XYLT2: variants seen among roughly 807,000 people sequenced by gnomAD.
XYLT2 encodes the protein UDP-D-xylose:proteoglycan core protein beta-D-xylosyltransferase.
XYLT2 carries 37 observed loss-of-function variants against 82.6 expected under a neutral mutation model. The ratio of observed to expected loss-of-function variants is 0.45; its 90% CI spans 0.34 to 0.59. The LOEUF (loss-of-function observed/expected upper bound fraction) is 0.59, where lower values mean the gene tolerates loss of function less well. Among genes scored for constraint, XYLT2 ranks in the 20% least tolerant of loss-of-function variants. XYLT2 has a pLI of 0.01. For missense variants in XYLT2, 934 were observed against 1,181.3 expected, an observed-to-expected ratio of 0.79 and a Z score of 3.07; for synonymous variants, 474 against 499.0, an observed-to-expected ratio of 0.95 and a Z score of 0.67.
chr17:50,358,721 G>A (rs1036276591), intron 10 of XYLT2, among the ~76,000 whole-genome samples, 181 bp downstream of exon 10: 9 of 152,216 alleles, frequency 5.9e-5, no homozygotes, highest in African/African-American at 2.2e-4. Context: ...GCAGTGTGGT[G>A]GAAAAGGGAG....
chr17:50,356,866 G>T (rs1005612245), intron 8 of XYLT2, 93 bp downstream of exon 8: 2 of 1,516,876 alleles, frequency 1.3e-6, no homozygotes, highest in African/African-American at 1.4e-5. Flanking sequence ...CCACAACAAG[G>T]CCCCAGTCTG....
intron 1 of XYLT2, among the ~76,000 whole-genome samples, chr17:50,351,034 T>C (rs2143199120): frequency 6.6e-6 from 1 of 152,204 alleles, no homozygotes; most frequent in Admixed American, 6.5e-5. Context: ...GAAGGGGGCA[T>C]CCAGACAGCT....
Position 50,360,562 on chromosome 17 carries a change from C to CTTTTTTTTTTTTTTTTTTT in XYLT2, c.*279_*280insTTTTTTTTTTTTTTTTTTT. On this transcript the variant is annotated 3_prime_UTR_variant, in exon 11 of 11. Transcript: ENST00000017003. ...TCACCTTCCTGTCTAGTTTGAATTTCTTTTTTTTCTTTTTTTTTTTTTTTT... is the reference window on the plus strand; with the variant it reads ...TCACCTTCCTGTCTAGTTTGAATTTCTTTTTTTTTTTTTTTTTTTTTTTTTTTCTTTTTTTTTTTTTTTT... 9.9e-7 allele frequency: 1 copy of CTTTTTTTTTTTTTTTTTTT among 1,014,208 alleles called. No individual in the cohort carries two copies. Among genetic ancestry groups the CTTTTTTTTTTTTTTTTTTT allele is most frequent in the Non-Finnish European group, 1.2e-6 (1 of 849,962 alleles). The allele number at this position is 1,014,208 out of a possible 1,614,324, so 62.8% of individuals were successfully genotyped here.
chr17:50,355,221 T>C (rs879449843), intron 4 of XYLT2, among the ~76,000 whole-genome samples, 165 bp downstream of exon 4: 2 of 151,112 alleles, frequency 1.3e-5, no homozygotes, highest in Non-Finnish European at 3.0e-5. Flanking sequence ...AGGGGAGGGG[T>C]TGGTGTAAGA....
chr17:50,359,105 G>C (rs1408546854), intron 10 of XYLT2: 2 of 153,416 alleles, frequency 1.3e-5, no homozygotes, highest in Admixed American at 6.5e-5. Flanking sequence ...ACACTGACCA[G>C]AGACTTTTAG....
chr17:50,346,949 G>C lies in XYLT2; in HGVS notation c.135+674G>C. On this transcript the variant is annotated intron_variant, in intron 1 of 10. Transcript: ENST00000017003. This position sits in a 1 kb window ranked among gnomAD's most constrained non-coding sequence, Gnocchi z 5.1. Reference sequence around the variant, plus strand: ...GAACTGAGCTGGTGAGTTGGCCTCAGGACCTTAGGGAATTAGGGAGGGGCC... The same window carrying C: ...GAACTGAGCTGGTGAGTTGGCCTCACGACCTTAGGGAATTAGGGAGGGGCC... 1 of 984,940 alleles carries C rather than the reference G, an allele frequency of 1.0e-6. No homozygotes were observed. Among genetic ancestry groups the C allele is most frequent in the South Asian group, 4.7e-5 (1 of 21,282 alleles). The allele number at this position is 984,940 out of a possible 1,614,324, so 61.0% of individuals were successfully genotyped here.
intron 1 of XYLT2, among the ~76,000 whole-genome samples, chr17:50,353,424 G>A (rs1912351339): frequency 6.6e-6 from 1 of 152,214 alleles, no homozygotes; most frequent in African/African-American, 2.4e-5. Context: ...ATGATGGAGG[G>A]AGGCCCAGTG....
At chr17:50,347,066 G>C in intron 1 of XYLT2, 1 of 395,078 alleles carries the variant, frequency 2.5e-6, no homozygotes, top group Non-Finnish European at 3.4e-6. Context: ...TCCCTGCCTC[G>C]AGGGTCTTTC....
At position 50,356,698 on chromosome 17, in the gene XYLT2, C is replaced by T. The variant is rs1401696767; in HGVS notation, c.1670C>T (p.Ala557Val). Residue 557 changes from alanine (A) to valine (V), a missense_variant, in exon 8 of 11, where the codon GCT (alanine) becomes GTT (valine). Physicochemically the swap from Ala to Val is moderately conservative, Grantham distance 64 (BLOSUM62 0). Coordinates refer to ENST00000017003, the MANE Select transcript of XYLT2 (RefSeq NM_022167.4). ...PSGLSDVMLT[A>V]YTAFARLSLH... ...GGGCTCAGTGATGTCATGCTCACTGCTTACACAGCCTTCGCCCGCCTCAGC... is the reference window on the plus strand; with the variant it reads ...GGGCTCAGTGATGTCATGCTCACTGTTTACACAGCCTTCGCCCGCCTCAGC... 1.2e-6 allele frequency: 2 copies of T among 1,610,338 alleles called. No individual in the cohort carries two copies. Among genetic ancestry groups the T allele is most frequent in the African/African-American group, 2.7e-5 (2 of 74,916 alleles).
At chr17:50,347,347 G>A (rs920985082) in intron 1 of XYLT2, among the ~76,000 whole-genome samples, 7 of 152,202 alleles carry the variant, frequency 4.6e-5, no homozygotes, top group Non-Finnish European at 1.0e-4. Flanking sequence ...AGTCTGGAAG[G>A]CCTGGTGTGG....
intron 5 of XYLT2, 62 bp downstream of exon 5, chr17:50,355,643 T>C: frequency 6.2e-7 from 1 of 1,602,974 alleles, no homozygotes; most frequent in Non-Finnish European, 8.5e-7. Flanking sequence ...CCCACACAGT[T>C]GGGCTCGGTG....
At chr17:50,356,055 T>C in intron 6 of XYLT2, 30 bp from the exon 7 acceptor site, 1 of 1,614,088 alleles carries the variant, frequency 6.2e-7, no homozygotes, top group Non-Finnish European at 8.5e-7. Context: ...TGCCTGCAGC[T>C]CACCTTCCAC....
intron 1 of XYLT2, among the ~76,000 whole-genome samples, chr17:50,350,526 C>T (rs62060152): frequency 3.4e-5 from 4 of 118,272 alleles, no homozygotes; most frequent in Non-Finnish European, 3.6e-5. Flanking sequence ...GAGATTGCAC[C>T]ACTGCACTCC....
chr17:50,360,491 G>A lies in XYLT2; in HGVS notation c.*200G>A, dbSNP rs1177339248. ...CTCTGTTGGGGATCAGAGGGCTGGC[G>A]GGAACGCGAGAAGGGCACCAGCAGC... On this transcript the variant is annotated 3_prime_UTR_variant, in exon 11 of 11. Transcript: ENST00000017003. 2 of 1,301,016 alleles carry A rather than the reference G, an allele frequency of 1.5e-6. No homozygotes were observed. Among genetic ancestry groups the A allele is most frequent in the Non-Finnish European group, 9.7e-7 (1 of 1,027,874 alleles). 80.6% of individuals were successfully genotyped at this position (1,301,016 alleles called of 1,614,324 possible).
At position 50,360,836 on chromosome 17, in the gene XYLT2, C is replaced by T. The variant is rs1010070593; in HGVS notation, c.*545C>T. Reference sequence around the variant, plus strand: ...AAGTGCCCTGCCAGGCTCTAAGGCCCGAAGAACAGGTGATATCGGGGGCGC... The same window carrying T: ...AAGTGCCCTGCCAGGCTCTAAGGCCTGAAGAACAGGTGATATCGGGGGCGC... On this transcript the variant is annotated 3_prime_UTR_variant, in exon 11 of 11. Coordinates refer to ENST00000017003, the MANE Select transcript of XYLT2 (RefSeq NM_022167.4). 4 of 985,878 alleles carry T rather than the reference C, an allele frequency of 4.1e-6. No individual in the cohort carries two copies. In the Admixed American group the frequency reaches 1.8e-4, roughly 45 times the overall value. The allele number at this position is 985,878 out of a possible 1,614,324, so 61.1% of individuals were successfully genotyped here. A position where few individuals can be genotyped will look rare whatever the true frequency, so the allele number is the denominator to read the frequency against.
In XYLT2 at chr17:50,360,340, A is replaced by T; in HGVS notation, c.*49A>T. On this transcript the variant is annotated 3_prime_UTR_variant, in exon 11 of 11. Transcript: ENST00000017003. Reference sequence around the variant, plus strand: ...GAGGACCCGGGAAATTGCACCTTACAGACAGTGGAGGGGTGTCCCCTCCCA... The same window carrying T: ...GAGGACCCGGGAAATTGCACCTTACTGACAGTGGAGGGGTGTCCCCTCCCA... The T allele has an allele frequency of 6.7e-7, 1 of 1,500,312 alleles. No individual in the cohort carries two copies. Among genetic ancestry groups the T allele is most frequent in the Non-Finnish European group, 8.9e-7 (1 of 1,123,182 alleles). The allele number at this position is 1,500,312 out of a possible 1,614,324, so 92.9% of individuals were successfully genotyped here. A position where few individuals can be genotyped will look rare whatever the true frequency, so the allele number is the denominator to read the frequency against.
chr17:50,348,519 T>C (rs972459504), intron 1 of XYLT2, among the ~76,000 whole-genome samples: 1 of 152,190 alleles, frequency 6.6e-6, no homozygotes, highest in Non-Finnish European at 1.5e-5. Context: ...CAGGATTCAG[T>C]GTGCATTTAA....
intron 1 of XYLT2, among the ~76,000 whole-genome samples, chr17:50,349,843 G>A (rs554283848): frequency 2.0e-5 from 3 of 152,078 alleles, no homozygotes; most frequent in South Asian, 4.1e-4. Flanking sequence ...TTGACTTCAC[G>A]TTTGACTAAT....
rs530953003 is a variant in XYLT2, at chr17:50,358,020, G to A, written c.1942-187G>A. The A allele has an allele frequency of 3.4e-4, 208 of 609,048 alleles. 4 individuals carry two copies. In the South Asian group the frequency reaches 4.2e-3, roughly 12 times the overall value. 37.7% of individuals were successfully genotyped at this position (609,048 alleles called of 1,614,324 possible). ...GCCTAGCAGTCAGAATGGAAGCCTA[G>A]AACGAATCTCAGAGCTGGGAGAGAT... On this transcript the variant is annotated intron_variant, in intron 9 of 10. Transcript: ENST00000017003.
Sources: gnomAD v4.1 joint callset for allele counts (sites outside exome capture counted in the v4.1 genomes callset) on GRCh38, gnomAD v4.1.1 for gene constraint, Gnocchi (gnomAD v3.1) non-coding constraint, MANE v1.5 for transcripts, NCBI Gene and HGNC (gene_info 2026-07-23, HGNC 2026-07-21) for gene names.